Variants in PCDHGA6 observed in about 807,000 individuals in gnomAD.
The protein encoded by PCDHGA6 is protocadherin gamma subfamily A, 6, also known as protocadherin gamma-A6.
PCDHGA6 carries 41 observed loss-of-function variants against 60.6 expected under a neutral mutation model. The observed-to-expected ratio is 0.68, with a 90% CI of 0.53 to 0.88. The LOEUF (loss-of-function observed/expected upper bound fraction) is 0.88, where lower values mean the gene tolerates loss of function less well. Ranked by LOEUF, PCDHGA6 falls within the 40% of genes least tolerant of loss-of-function variation. The pLI, the probability that PCDHGA6 is intolerant of heterozygous loss-of-function variation, is 0.00. For missense variants in PCDHGA6, 1,312 were observed against 1,203.0 expected (o/e 1.09, Z -1.34); for synonymous variants, 594 against 524.4 (o/e 1.13, Z -1.81).
In PCDHGA6 at chr5:141,477,891, G is replaced by T. The variant is rs750359063; in HGVS notation, c.2425-16916G>T. 10 of 1,614,066 alleles carry T rather than the reference G, an allele frequency of 6.2e-6. No individual in the cohort carries two copies. The African/African-American group carries it at 1.2e-4, about 19-fold the overall frequency. ...ACCTCAGCTGGCCACCTAGTGTCAC[G>T]GGTGGTAGGCTGGGACGCGGATGCA... is the stretch of plus-strand genomic sequence containing the variant. On this transcript the variant is annotated intron_variant, in intron 1 of 3. Coordinates refer to ENST00000517434, the MANE Select transcript of PCDHGA6 (RefSeq NM_018919.3). This position sits in a 1 kb window ranked among gnomAD's most constrained non-coding sequence, Gnocchi z 4.9.
chr5:141,418,069 G>T, intron 1 of PCDHGA6: 4 of 1,614,042 alleles, frequency 2.5e-6, no homozygotes, highest in South Asian at 2.2e-5. Flanking sequence ...GAGTGAGCGC[G>T]GAGAAGCTGC....
chr5:141,388,480 C>T (rs751470350), intron 1 of PCDHGA6: 3 of 1,613,758 alleles, frequency 1.9e-6, no homozygotes, highest in Non-Finnish European at 2.5e-6. Flanking sequence ...TTGAAGACAC[C>T]TTTGGACAGA....
intron 1 of PCDHGA6, among the ~76,000 whole-genome samples, chr5:141,459,334 A>G (rs987526492): frequency 5.9e-5 from 9 of 152,116 alleles, no homozygotes; most frequent in Admixed American, 1.3e-4. Flanking sequence ...TTTTACTCCA[A>G]AGTTCTTGAA....
intron 1 of PCDHGA6, among the ~76,000 whole-genome samples, chr5:141,386,558 G>A (rs931142144): frequency 6.6e-5 from 10 of 151,826 alleles, no homozygotes; most frequent in African/African-American, 2.4e-4. Flanking sequence ...GTAGTATTTT[G>A]CACATGATAG....
intron 1 of PCDHGA6, among the ~76,000 whole-genome samples, chr5:141,443,191 A>G (rs2098371862): frequency 6.6e-6 from 1 of 152,122 alleles, no homozygotes; most frequent in Non-Finnish European, 1.5e-5. Flanking sequence ...CATTCTCTAT[A>G]GTACAAAGAG....
chr5:141,395,222 A>G, intron 1 of PCDHGA6: 2 of 1,611,606 alleles, frequency 1.2e-6, no homozygotes, highest in Non-Finnish European at 1.7e-6. Flanking sequence ...ATAAGAATGA[A>G]GCTGATCATG....
At chr5:141,447,798 A>G (rs2098551922) in intron 1 of PCDHGA6, among the ~76,000 whole-genome samples, 2 of 152,230 alleles carry the variant, frequency 1.3e-5, no homozygotes, top group Admixed American at 1.3e-4. Context: ...TTAAGAAAAT[A>G]AAATTGGCTG....
intron 1 of PCDHGA6, chr5:141,393,785 G>A (rs753963995): frequency 6.2e-7 from 1 of 1,613,922 alleles, no homozygotes; most frequent in Non-Finnish European, 8.5e-7. Context: ...CCGAAGATGT[G>A]GGGGCACTTC....
intron 1 of PCDHGA6, chr5:141,394,510 C>A (rs371348730): frequency 3.1e-6 from 5 of 1,614,216 alleles, no homozygotes; most frequent in Non-Finnish European, 3.4e-6. Context: ...CTGTACCCCG[C>A]CCTCCCCACA....
At chr5:141,429,542 A>G (rs1484411621) in intron 1 of PCDHGA6, among the ~76,000 whole-genome samples, 3 of 152,188 alleles carry the variant, frequency 2.0e-5, no homozygotes, top group African/African-American at 7.2e-5. Context: ...AAATAAGAAC[A>G]TGGTAATGAT....
At chr5:141,478,617 G>T in intron 1 of PCDHGA6, 1 of 1,556,398 alleles carries the variant, frequency 6.4e-7, no homozygotes, top group South Asian at 1.2e-5. Context: ...AGGAAGGAAT[G>T]GAGCTGTTTT....
intron 1 of PCDHGA6, chr5:141,415,929 T>C: frequency 1.6e-6 from 1 of 629,678 alleles, no homozygotes; most frequent in African/African-American, 1.9e-5. Context: ...TGTCAATTTA[T>C]ATTTCCTCCT....
intron 1 of PCDHGA6, chr5:141,407,937 C>G: frequency 2.0e-6 from 1 of 511,428 alleles, no homozygotes; most frequent in Non-Finnish European, 3.3e-6. Context: ...AGCCTCTGGG[C>G]GCCGCTGTCG....
In PCDHGA6 at chr5:141,375,777, C is replaced by T; in HGVS notation, c.1694C>T (p.Pro565Leu). 6.2e-7 allele frequency: 1 copy of T among 1,614,250 alleles called. No individual in the cohort carries two copies. The highest frequency in any genetic ancestry group is 1.3e-5 in the African/African-American group (1 of 75,078). Residue 565 changes from proline (P) to leucine (L), a missense_variant, in exon 1 of 4, where the codon CCC (proline) becomes CTC (leucine). Coordinates refer to ENST00000517434, the MANE Select transcript of PCDHGA6 (RefSeq NM_018919.3). ...QNDNAPEILY[P>L]ALPTDGSTGV... is the part of the protein sequence containing the mutation. ...GACAATGCGCCCGAGATCCTGTACC[C>T]CGCCCTCCCCACAGACGGTTCCACT...
At chr5:141,458,519 T>C (rs974750749) in intron 1 of PCDHGA6, among the ~76,000 whole-genome samples, 1 of 152,110 alleles carries the variant, frequency 6.6e-6, no homozygotes, top group Non-Finnish European at 1.5e-5. Context: ...CTTTGTTTTT[T>C]TTTTTAACTT....
chr5:141,436,635 A>G (rs953396225), intron 1 of PCDHGA6, among the ~76,000 whole-genome samples: 8 of 152,184 alleles, frequency 5.3e-5, no homozygotes, highest in African/African-American at 1.9e-4. Context: ...ACAACATGCA[A>G]TTAATTAACA....
chr5:141,465,429 A>G (rs1191638112), intron 1 of PCDHGA6, among the ~76,000 whole-genome samples: 2 of 152,316 alleles, frequency 1.3e-5, no homozygotes, highest in East Asian at 3.9e-4. Context: ...AAAGGTGGGC[A>G]CTTAATGATT....
intron 1 of PCDHGA6, among the ~76,000 whole-genome samples, chr5:141,460,753 A>ATATACATATTGCATATGTATG (rs1435827019): frequency 4.6e-5 from 7 of 152,094 alleles, no homozygotes; most frequent in Non-Finnish European, 1.0e-4. Flanking sequence ...ATATGTGTAC[A>ATATACATATTGCATATGTATG]TATACATATT....
At chr5:141,409,772 C>T (rs2095314133) in intron 1 of PCDHGA6, 1 of 1,612,736 alleles carries the variant, frequency 6.2e-7, no homozygotes, top group Non-Finnish European at 8.5e-7. Flanking sequence ...TGATCACGAG[C>T]AGCTGCGCGC....
Sources: gnomAD v4.1 joint callset for allele counts (sites outside exome capture counted in the v4.1 genomes callset) on GRCh38, gnomAD v4.1.1 for gene constraint, Gnocchi (gnomAD v3.1) non-coding constraint, MANE v1.5 for transcripts, NCBI Gene and HGNC (gene_info 2026-07-23, HGNC 2026-07-21) for gene names.